The following AFG1L variants were observed in gnomAD, a reference collection of about 807,000 sequenced individuals.
AFG1L encodes AFG1-like ATPase.
Under a neutral mutation model 62.2 loss-of-function variants are expected in AFG1L, and 53 were observed. That is an observed-to-expected ratio of 0.85 (90% CI 0.68 to 1.07). AFG1L has a LOEUF of 1.07. Ranked by LOEUF, AFG1L falls within the 50% of genes least tolerant of loss-of-function variation. The probability of loss-of-function intolerance (pLI) is 0.00; values close to 1 mark genes in which losing one functional copy is unlikely to be tolerated. For synonymous variants in AFG1L, 228 were observed against 210.3 expected, an observed-to-expected ratio of 1.08 and a Z score of -0.73; for missense variants, 555 against 590.5, an observed-to-expected ratio of 0.94 and a Z score of 0.62.
chr6:108,326,124 C>CAGT (rs1483137595), intron 2 of AFG1L, among the ~76,000 whole-genome samples: 1 of 152,094 alleles, frequency 6.6e-6, no homozygotes, highest in Non-Finnish European at 1.5e-5. Flanking sequence ...AGGTGGGGTG[C>CAGT]AGTAGCACAA....
At chr6:108,454,322 C>G (rs980297607) in intron 8 of AFG1L, among the ~76,000 whole-genome samples, 3 of 152,200 alleles carry the variant, frequency 2.0e-5, no homozygotes, top group African/African-American at 7.2e-5. Flanking sequence ...CATGGAGACA[C>G]TTGCACAAAA....
rs1408339076 is a variant in AFG1L at position 108,524,055 on chromosome 6, T to A, written c.*1630T>A. ...GAAAGTTAAGTAGCTTGACCTGAGATTCACAGTTTACAACTACAAAACTCA... is the reference window on the plus strand; with the variant it reads ...GAAAGTTAAGTAGCTTGACCTGAGAATCACAGTTTACAACTACAAAACTCA... On this transcript the variant is annotated 3_prime_UTR_variant, in exon 13 of 13. Transcript: ENST00000368977. The A allele has an allele frequency of 1.3e-5, 2 of 151,660 alleles. No homozygotes were observed. The highest frequency in any genetic ancestry group is 2.4e-5 in the African/African-American group (1 of 41,512). 9.4% of individuals were successfully genotyped at this position (151,660 alleles called of 1,614,324 possible).
intron 7 of AFG1L, among the ~76,000 whole-genome samples, chr6:108,404,508 T>C (rs1306626538): frequency 1.3e-5 from 2 of 152,082 alleles, no homozygotes; most frequent in Admixed American, 1.3e-4. Context: ...AAATAGTGAG[T>C]ACTCTTCGGT....
At chr6:108,351,331 C>G (rs774032344) in intron 3 of AFG1L, among the ~76,000 whole-genome samples, 1 of 152,188 alleles carries the variant, frequency 6.6e-6, no homozygotes, top group African/African-American at 2.4e-5. Flanking sequence ...TTTGGGACCA[C>G]CATTGTGTAT....
intron 10 of AFG1L, among the ~76,000 whole-genome samples, chr6:108,480,481 A>G (rs1424692587): frequency 6.6e-6 from 1 of 152,186 alleles, no homozygotes; most frequent in African/African-American, 2.4e-5. Context: ...ACTACATTGT[A>G]TCTGAAGATG....
At chr6:108,429,047 T>C (rs892050326) in intron 7 of AFG1L, among the ~76,000 whole-genome samples, 5 of 152,226 alleles carry the variant, frequency 3.3e-5, no homozygotes, top group Admixed American at 1.3e-4. Context: ...CTAGAATGTT[T>C]GTGGTTTAAG....
Position 108,399,174 on chromosome 6 carries a change from G to GTTTTTTTTTTTTTTTTTTTTTTTTTT in AFG1L, c.749-2819_749-2818insTTTTTTTTTTTTTTTTTTTTTTTTTT, listed in dbSNP as rs1424528059. On this transcript the variant is annotated intron_variant, in intron 6 of 12. Coordinates refer to ENST00000368977, the MANE Select transcript of AFG1L (RefSeq NM_145315.5). ...ATTGCAAAGATCTGTCACTTCTTTT[G>GTTTTTTTTTTTTTTTTTTTTTTTTTT]TTTGTTTTTTTTTTTTTTTTTTTTT... is the stretch of plus-strand genomic sequence containing the variant. Among the ~76,000 whole-genome samples, 2 of 51,414 alleles carry GTTTTTTTTTTTTTTTTTTTTTTTTTT rather than the reference G, an allele frequency of 3.9e-5. 1 individual carries two copies. Among genetic ancestry groups the GTTTTTTTTTTTTTTTTTTTTTTTTTT allele is most frequent in the African/African-American group, 1.7e-4 (2 of 11,924 alleles). 33.7% of individuals were successfully genotyped at this position (51,414 alleles called of 152,430 possible). A position where few individuals can be genotyped will look rare whatever the true frequency, so the allele number is the denominator to read the frequency against.
intron 3 of AFG1L, among the ~76,000 whole-genome samples, chr6:108,355,389 A>T (rs1177611925): frequency 6.6e-6 from 1 of 152,180 alleles, no homozygotes; most frequent in Non-Finnish European, 1.5e-5. Context: ...TTATGCACAT[A>T]GTTTTCAGGG....
intron 10 of AFG1L, among the ~76,000 whole-genome samples, chr6:108,481,124 C>T (rs963158598): frequency 6.6e-6 from 1 of 152,220 alleles, no homozygotes; most frequent in Non-Finnish European, 1.5e-5. Context: ...AATACTTTCT[C>T]TTCCTGCCAT....
At position 108,373,264 on chromosome 6, in the gene AFG1L, C is replaced by A. The variant is rs575307717; in HGVS notation, c.748+6932C>A. Reference sequence around the variant, plus strand: ...TCCATGAGTACCCGATGTCTAGCTCCCACTCATAAGTGAGAACATGTGGTA... The same window carrying A: ...TCCATGAGTACCCGATGTCTAGCTCACACTCATAAGTGAGAACATGTGGTA... On this transcript the variant is annotated intron_variant, in intron 6 of 12. Transcript: ENST00000368977. Among the ~76,000 whole-genome samples the A allele has an allele frequency of 3.9e-5, 6 of 152,210 alleles. No individual in the cohort carries two copies. The South Asian group carries it at 1.2e-3, about 32-fold the overall frequency.
In AFG1L at chr6:108,295,227, CT is replaced by C. The variant is rs1294266723; in HGVS notation, c.139+10del. On this transcript the variant is annotated intron_variant, in intron 1 of 12. Transcript: ENST00000368977. ...GAAGCCCTTTTGGAAAGGTCAGTGACTGTGCCATGAGTAGTCCGAGCCGACT... is the reference window on the plus strand; with the variant it reads ...GAAGCCCTTTTGGAAAGGTCAGTGACGTGCCATGAGTAGTCCGAGCCGACT... 4 of 1,599,340 alleles carry C rather than the reference CT, an allele frequency of 2.5e-6. No homozygotes were observed. The Admixed American group carries it at 6.7e-5, about 27-fold the overall frequency.
chr6:108,303,272 C>G (rs534951544), intron 1 of AFG1L, among the ~76,000 whole-genome samples: 2 of 152,216 alleles, frequency 1.3e-5, no homozygotes, highest in African/African-American at 2.4e-5. Flanking sequence ...GTCTGGAACT[C>G]CTGGGCTCAA....
chr6:108,519,659 TA>T, intron 11 of AFG1L, 37 bp from the exon 12 acceptor site: 1 of 1,076,708 alleles, frequency 9.3e-7, no homozygotes, highest in Non-Finnish European at 1.4e-6. Flanking sequence ...TTGTGAAATG[TA>T]AAGAGTAACA....
chr6:108,477,340 A>T, intron 10 of AFG1L, 48 bp downstream of exon 10: 1 of 1,120,360 alleles, frequency 8.9e-7, no homozygotes, highest in East Asian at 2.4e-5. Context: ...CACATGTTAA[A>T]ATACTTCGTG....
At chr6:108,338,855 G>T (rs1332035121) in intron 2 of AFG1L, among the ~76,000 whole-genome samples, 1 of 152,126 alleles carries the variant, frequency 6.6e-6, no homozygotes, top group Non-Finnish European at 1.5e-5. Context: ...ACACATCCTG[G>T]ATTCTGGCTT....
intron 7 of AFG1L, among the ~76,000 whole-genome samples, chr6:108,411,891 C>A (rs1782135016): frequency 6.6e-6 from 1 of 152,212 alleles, no homozygotes; most frequent in South Asian, 2.1e-4. Flanking sequence ...AGCAACGGAA[C>A]AAAGCTGGAC....
intron 8 of AFG1L, among the ~76,000 whole-genome samples, chr6:108,451,711 T>G (rs1226078318): frequency 6.6e-6 from 1 of 152,130 alleles, no homozygotes; most frequent in African/African-American, 2.4e-5. Context: ...TTCTTTTTTT[T>G]TATTTTCATT....
At chr6:108,348,590 G>T (rs1778958337) in intron 3 of AFG1L, among the ~76,000 whole-genome samples, 1 of 152,152 alleles carries the variant, frequency 6.6e-6, no homozygotes, top group Non-Finnish European at 1.5e-5. Context: ...CAGAAAAGAA[G>T]GTCAAACTAT....
intron 1 of AFG1L, 121 bp downstream of exon 1, chr6:108,295,339 T>G: frequency 8.9e-7 from 1 of 1,127,974 alleles, no homozygotes; most frequent in Non-Finnish European, 1.2e-6. Context: ...TGAGGGCTCC[T>G]CGAGAGGAGT....
Sources: gnomAD v4.1 joint callset for allele counts (sites outside exome capture counted in the v4.1 genomes callset) on GRCh38, gnomAD v4.1.1 for gene constraint, MANE v1.5 for transcripts, NCBI Gene and HGNC (gene_info 2026-07-23, HGNC 2026-07-21) for gene names.